Variants in STXBP2 observed in about 807,000 individuals in gnomAD.
STXBP2 encodes syntaxin binding protein 2.
STXBP2 carries 47 observed loss-of-function variants against 72.2 expected under a neutral mutation model. The ratio of observed to expected loss-of-function variants is 0.65; its 90% CI spans 0.51 to 0.83. STXBP2 has a LOEUF of 0.83. Ranked by LOEUF, STXBP2 falls within the 40% of genes least tolerant of loss-of-function variation. The probability of loss-of-function intolerance (pLI) is 0.00; values close to 1 mark genes in which losing one functional copy is unlikely to be tolerated. For missense variants in STXBP2, 702 were observed against 807.6 expected (o/e 0.87, Z 1.58); for synonymous variants, 367 against 338.7 (o/e 1.08, Z -0.92).
chr19:7,632,280 A>T, upstream of STXBP2: 1 of 1,484,896 alleles, frequency 6.7e-7, no homozygotes, highest in African/African-American at 1.4e-5. The surrounding 1 kb of genome is among the most constrained non-coding windows in gnomAD (Gnocchi z 5.2). Flanking sequence ...AAGTCAGGGC[A>T]GCGGATGGAC....
chr19:7,644,552 G>A (rs1599403111), intron 13 of STXBP2, 62 bp from the exon 14 acceptor site: 14 of 1,599,332 alleles, frequency 8.8e-6, no homozygotes, highest in South Asian at 7.7e-5. Flanking sequence ...TCCTTGGCCC[G>A]CCTCTCCCAT....
chr19:7,644,839 T>C, intron 14 of STXBP2, 87 bp downstream of exon 14: 1 of 1,597,632 alleles, frequency 6.3e-7, no homozygotes, highest in South Asian at 1.1e-5. Context: ...ACAGCTCTCC[T>C]TGGGTCATTT....
chr19:7,638,619 A>T, intron 1 of STXBP2, 107 bp from the exon 2 acceptor site: 6 of 1,207,578 alleles, frequency 5.0e-6, no homozygotes, highest in Non-Finnish European at 3.6e-6. Context: ...AAAAAAAAAA[A>T]GTAAATGGGA....
In STXBP2 at chr19:7,645,197, G is replaced by C; in HGVS notation, c.1247G>C (p.Gly416Ala). Reference protein sequence around the residue: ...VLLLYILLRNGVSEENLAKLI... With the variant: ...VLLLYILLRNAVSEENLAKLI... ...CACCCTGCCCATTCCCGTCCCCCAG[G>C]TGTGAGTGAGGAGAACCTGGCCAAG... The change falls in exon 15 of 19, where the codon GGT becomes GCT. Residue 416 changes from glycine (G) to alanine (A), a missense_variant and splice_region_variant. Physicochemically the swap from Gly to Ala is moderately conservative, Grantham distance 60 (BLOSUM62 0). Coordinates refer to ENST00000221283, the MANE Select transcript of STXBP2 (RefSeq NM_006949.4). 6.4e-7 allele frequency: 1 copy of C among 1,559,588 alleles called. No individual in the cohort carries two copies. Among genetic ancestry groups the C allele is most frequent in the Non-Finnish European group, 8.7e-7 (1 of 1,150,796 alleles).
intron 6 of STXBP2, 56 bp downstream of exon 6, chr19:7,641,059 T>A (rs756496591): frequency 6.4e-7 from 1 of 1,573,850 alleles, no homozygotes; most frequent in South Asian, 1.1e-5. Flanking sequence ...AAATGTCCCC[T>A]GTTCCCTCAG....
rs710951 is a variant in STXBP2, at chr19:7,645,383, A to G, written c.1356+77A>G. On this transcript the variant is annotated intron_variant, in intron 15 of 18. Transcript: ENST00000221283. ...CCGGGGCTCTGCAAGGCAGAGGGCC[A>G]TTGGTGCACAGGCACGGTGTGGTTC... 867,646 of 1,370,374 alleles carry G rather than the reference A, an allele frequency of 0.63. 278,445 individuals carry two copies. Among genetic ancestry groups the G allele is most frequent in the East Asian group, 0.85 (33,900 of 39,888 alleles). 84.9% of individuals were successfully genotyped at this position (1,370,374 alleles called of 1,614,324 possible). A position where few individuals can be genotyped will look rare whatever the true frequency, so the allele number is the denominator to read the frequency against.
chr19:7,646,178 C>A, intron 15 of STXBP2, 71 bp from the exon 16 acceptor site: 1 of 1,354,664 alleles, frequency 7.4e-7, no homozygotes, highest in Non-Finnish European at 1.0e-6. Flanking sequence ...CCAGCCACAC[C>A]AGGCGCAGCC....
upstream of STXBP2, chr19:7,636,956 G>A (rs2031558215): frequency 4.2e-6 from 2 of 472,774 alleles, no homozygotes; most frequent in Non-Finnish European, 6.8e-6. Context: ...GCTCGGCAGC[G>A]CGGACGCACC....
rs370480197 is a variant in STXBP2, at chr19:7,641,902, C to T, written c.578+49C>T. On this transcript the variant is annotated intron_variant, in intron 7 of 18. Coordinates refer to ENST00000221283, the MANE Select transcript of STXBP2 (RefSeq NM_006949.4). The stretch of plus-strand genomic sequence containing the variant: ...CCCGATGCCGACCCCCCCTTAACCG[C>T]GTGCAACACCTAACCTTTAACCTCT... 6.5e-5 allele frequency: 102 copies of T among 1,579,136 alleles called. No homozygotes were observed. The African/African-American group carries it at 1.2e-3, about 19-fold the overall frequency.
At chr19:7,640,323 TGC>T in intron 4 of STXBP2, 1 of 557,170 alleles carries the variant, frequency 1.8e-6, no homozygotes, top group Non-Finnish European at 3.4e-6. Context: ...CATCTGTGTG[TGC>T]GTGTGTATGC....
chr19:7,647,751 C>A lies in STXBP2; in HGVS notation c.1723C>A (p.Arg575Ser). 1.2e-6 allele frequency: 2 copies of A among 1,614,132 alleles called. No individual in the cohort carries two copies. Among genetic ancestry groups the A allele is most frequent in the South Asian group, 2.2e-5 (2 of 91,084 alleles). The change falls in exon 19 of 19, where the codon CGC becomes AGC. Residue 575 changes from arginine (R) to serine (S), a missense_variant. Transcript: ENST00000221283. The part of the protein sequence containing the change: ...IGSSHILTPT[R>S]FLDDLKALDK... ...CTCCTCACACATCCTCACCCCGACC[C>A]GCTTCCTGGATGACCTGAAGGCACT...
At position 7,642,932 on chromosome 19, in the gene STXBP2, A is replaced by G. The variant is rs747928786; in HGVS notation, c.961-51A>G. On this transcript the variant is annotated intron_variant, in intron 11 of 18. Transcript: ENST00000221283. The surrounding 1 kb of genome is among the most constrained non-coding windows in gnomAD (Gnocchi z 6.0). The stretch of plus-strand genomic sequence containing the variant: ...AGCCTGGACTGAGACCCAGGTGGGC[A>G]CTGCCTGGCTTCGCCCCCCAATCCC... 21 of 1,612,188 alleles carry G rather than the reference A, an allele frequency of 1.3e-5. No homozygotes were observed. Among genetic ancestry groups the G allele is most frequent in the Non-Finnish European group, 1.8e-5 (21 of 1,178,220 alleles).
chr19:7,635,550 A>G (rs1413231829), upstream of STXBP2, among the ~76,000 whole-genome samples: 1 of 151,568 alleles, frequency 6.6e-6, no homozygotes, highest in Non-Finnish European at 1.5e-5. Context: ...AACAAAATCA[A>G]CCGGGCACGG....
the STXBP2 span, chr19:7,631,241 A>G: frequency 7.1e-7 from 1 of 1,411,154 alleles, no homozygotes; most frequent in South Asian, 1.6e-5. Flanking sequence ...GCCATGAGTA[A>G]GGAACCGAGA....
intron 2 of STXBP2, 95 bp from the exon 3 acceptor site, chr19:7,638,924 T>G (rs966893014): frequency 1.3e-6 from 2 of 1,576,964 alleles, no homozygotes; most frequent in Non-Finnish European, 1.7e-6. Context: ...CAGCCAGCCC[T>G]TGAAACTGCC....
chr19:7,634,660 A>G (rs1280455216), upstream of STXBP2, among the ~76,000 whole-genome samples: 1 of 152,202 alleles, frequency 6.6e-6, no homozygotes, highest in Non-Finnish European at 1.5e-5. Flanking sequence ...ATGAGCCACC[A>G]TGCTGAGCCT....
Position 7,640,942 on chromosome 19 carries a change from T to C in STXBP2, c.368T>C (p.Leu123Pro). The stretch of plus-strand genomic sequence containing the variant: ...TTCAGTGAGCTAGGCCGCTCTCGTC[T>C]GGCAAAGGTGGTGAAGACGTTGAAG... ...PLFSELGRSR[L>P]AKVVKTLKEI... is the part of the protein sequence containing the mutation. Residue 123 changes from leucine (L) to proline (P), a missense_variant, in exon 6 of 19, where the codon CTG becomes CCG. Physicochemically the swap from Leu to Pro is moderately conservative, Grantham distance 98. Transcript: ENST00000221283. 1 of 1,614,224 alleles carries C rather than the reference T, an allele frequency of 6.2e-7. No homozygotes were observed. Among genetic ancestry groups the C allele is most frequent in the Non-Finnish European group, 8.5e-7 (1 of 1,180,028 alleles).
At chr19:7,646,749 G>A in intron 16 of STXBP2, 1 of 387,866 alleles carries the variant, frequency 2.6e-6, no homozygotes, top group South Asian at 2.7e-5. Flanking sequence ...CTGCGTGGGG[G>A]CCAGAGACCT....
chr19:7,637,322 A>C, intron 1 of STXBP2, 136 bp downstream of exon 1: 12 of 135,490 alleles, frequency 8.9e-5, no homozygotes, highest in Non-Finnish European at 1.3e-4. Flanking sequence ...CTGACCCTCG[A>C]GGGGGCGGGC....
Sources: gnomAD v4.1 joint callset for allele counts (sites outside exome capture counted in the v4.1 genomes callset) on GRCh38, gnomAD v4.1.1 for gene constraint, Gnocchi (gnomAD v3.1) non-coding constraint, MANE v1.5 for transcripts, NCBI Gene and HGNC (gene_info 2026-07-23, HGNC 2026-07-21) for gene names.